LOXL2: variants seen among roughly 807,000 people sequenced by gnomAD.
LOXL2 encodes lysyl oxidase homolog 2.
Under a neutral mutation model 93.0 loss-of-function variants are expected in LOXL2, and 70 were observed. The observed-to-expected ratio is 0.75, with a 90% CI of 0.62 to 0.92. The LOEUF (loss-of-function observed/expected upper bound fraction) is 0.92, where lower values mean the gene tolerates loss of function less well. Ranked by LOEUF, LOXL2 falls within the 40% of genes least tolerant of loss-of-function variation. The pLI, the probability that LOXL2 is intolerant of heterozygous loss-of-function variation, is 0.00. For missense variants in LOXL2, 973 were observed against 1,054.9 expected (o/e 0.92, Z 1.08); for synonymous variants, 438 against 413.2 (o/e 1.06, Z -0.73).
intron 9 of LOXL2, among the ~76,000 whole-genome samples, chr8:23,316,070 C>G (rs1250303271): frequency 6.6e-6 from 1 of 152,168 alleles, no homozygotes; most frequent in East Asian, 1.9e-4. Flanking sequence ...TCCTGCTTTG[C>G]AAGGGCTAGG....
In LOXL2 at chr8:23,384,147, C is replaced by T. The variant is rs140616854; in HGVS notation, c.-83-15713G>A. Among the ~76,000 whole-genome samples the T allele has an allele frequency of 2.3e-3, 351 of 152,158 alleles. 1 individual carries two copies. Among genetic ancestry groups the T allele is most frequent in the African/African-American group, 7.9e-3 (327 of 41,496 alleles). On this transcript the variant is annotated intron_variant, in intron 1 of 13. Coordinates refer to ENST00000389131, the MANE Select transcript of LOXL2 (RefSeq NM_002318.3). ...AAATGTCGAGGTAATTTATGGGATA[C>T]GAAGATCTGGGATCAGAAAATCTCA...
rs5890105 is a variant in LOXL2 at position 23,358,845 on chromosome 8, A to ATTT, written c.531+1242_531+1244dup. On this transcript the variant is annotated intron_variant, in intron 3 of 13. Coordinates refer to ENST00000389131, the MANE Select transcript of LOXL2 (RefSeq NM_002318.3). ...TCAGTGGGGAGGCCCCAGTACCTGC[A>ATTT]TTTTTTTTTTTTTTTTCAGACAGTC... Among the ~76,000 whole-genome samples, 350 of 135,652 alleles carry ATTT rather than the reference A, an allele frequency of 2.6e-3. 3 individuals are homozygous for ATTT. The highest frequency in any genetic ancestry group is 8.4e-3 in the African/African-American group (306 of 36,258). The allele number at this position is 135,652 out of a possible 152,430, so 89.0% of individuals were successfully genotyped here.
intron 4 of LOXL2, among the ~76,000 whole-genome samples, chr8:23,340,081 G>A (rs1369373311): frequency 2.0e-5 from 3 of 152,210 alleles, no homozygotes; most frequent in Non-Finnish European, 2.9e-5. Context: ...CTCTAAGAGT[G>A]TGGACCCTAT....
intron 1 of LOXL2, among the ~76,000 whole-genome samples, chr8:23,374,341 G>C (rs1013493454): frequency 2.6e-5 from 4 of 152,156 alleles, no homozygotes; most frequent in Admixed American, 2.0e-4. Context: ...TCTTAATCCA[G>C]TCTATCTTTG....
rs541027595 is a variant in LOXL2, at chr8:23,362,925, A to G, written c.356-2660T>C. Among the ~76,000 whole-genome samples the G allele has an allele frequency of 3.7e-4, 57 of 152,342 alleles. 2 individuals are homozygous for G. The South Asian group carries it at 0.011, about 29-fold the overall frequency. On this transcript the variant is annotated intron_variant, in intron 2 of 13. Transcript: ENST00000389131. The stretch of plus-strand genomic sequence containing the variant: ...CTTTTAGGAGTCTAGAGCAGCAGAC[A>G]TAGTCAAACAAACCTGGGTTCAAGT...
At chr8:23,302,415 C>G (rs1367791712) in intron 11 of LOXL2, among the ~76,000 whole-genome samples, 2 of 152,180 alleles carry the variant, frequency 1.3e-5, no homozygotes, top group Admixed American at 6.5e-5. Flanking sequence ...TCTGATCCAC[C>G]CTGGCCTTTC....
intron 4 of LOXL2, among the ~76,000 whole-genome samples, chr8:23,335,112 A>C (rs1803769013): frequency 6.6e-6 from 1 of 152,138 alleles, no homozygotes; most frequent in Admixed American, 6.6e-5. Context: ...ATCACGCCAG[A>C]CCATAAATCT....
At position 23,321,767 on chromosome 8, in the gene LOXL2, G is replaced by C. The variant is rs1001531183; in HGVS notation, c.1302+363C>G. 2.0e-4 allele frequency: 40 copies of C among 204,702 alleles called. No homozygotes were observed. In the East Asian group the frequency reaches 2.2e-3, roughly 11 times the overall value. The allele number at this position is 204,702 out of a possible 1,614,324, so 12.7% of individuals were successfully genotyped here. A position where few individuals can be genotyped will look rare whatever the true frequency, so the allele number is the denominator to read the frequency against. ...TTTCTGAACATGAATAGAGGAAAGA[G>C]AACGCCTCCAGCCAGCAGAGCACAG... On this transcript the variant is annotated intron_variant, in intron 7 of 13. Coordinates refer to ENST00000389131, the MANE Select transcript of LOXL2 (RefSeq NM_002318.3).
At chr8:23,394,519 C>T (rs533531437) in intron 1 of LOXL2, among the ~76,000 whole-genome samples, 21 of 151,932 alleles carry the variant, frequency 1.4e-4, no homozygotes, top group East Asian at 3.9e-4. Flanking sequence ...ATACATCACT[C>T]GTCATCAAGC....
chr8:23,298,989 C>A, intron 12 of LOXL2, 42 bp from the exon 13 acceptor site: 1 of 1,181,688 alleles, frequency 8.5e-7, no homozygotes, highest in Non-Finnish European at 1.3e-6. Context: ...GTTCCCTCTG[C>A]GGCCACCTCC....
At chr8:23,341,666 A>T (rs1803884784) in intron 3 of LOXL2, 1 of 196,296 alleles carries the variant, frequency 5.1e-6, no homozygotes, top group Non-Finnish European at 1.1e-5. Context: ...CTTTCAGTAA[A>T]ACTTGAGTTT....
chr8:23,393,616 C>A (rs192913689), intron 1 of LOXL2, among the ~76,000 whole-genome samples: 13 of 152,030 alleles, frequency 8.6e-5, no homozygotes, highest in African/African-American at 2.9e-4. Flanking sequence ...ACATAGAGTA[C>A]GTCTTCATGG....
At position 23,309,999 on chromosome 8, in the gene LOXL2, C is replaced by G. The variant is rs938032557; in HGVS notation, c.1637-88G>C. 2.2e-6 allele frequency: 3 copies of G among 1,355,516 alleles called. No homozygotes were observed. In the African/African-American group the frequency reaches 4.5e-5, roughly 20 times the overall value. The allele number at this position is 1,355,516 out of a possible 1,614,324, so 84.0% of individuals were successfully genotyped here. A position where few individuals can be genotyped will look rare whatever the true frequency, so the allele number is the denominator to read the frequency against. On this transcript the variant is annotated intron_variant, in intron 9 of 13. Coordinates refer to ENST00000389131, the MANE Select transcript of LOXL2 (RefSeq NM_002318.3). ...ATTCTTGAGCTGGGACAAACCCCCTCTCCTGCCTACCGCCACCTTCTGGAA... is the reference window on the plus strand; with the variant it reads ...ATTCTTGAGCTGGGACAAACCCCCTGTCCTGCCTACCGCCACCTTCTGGAA...
intron 8 of LOXL2, among the ~76,000 whole-genome samples, chr8:23,317,963 T>G (rs534640617): frequency 3.7e-4 from 13 of 34,792 alleles, no homozygotes; most frequent in African/African-American, 6.2e-4. Context: ...GAAGTATTAG[T>G]ATCTCATCTA....
chr8:23,394,650 T>C (rs976549955), intron 1 of LOXL2, among the ~76,000 whole-genome samples: 3 of 152,122 alleles, frequency 2.0e-5, no homozygotes, highest in Non-Finnish European at 4.4e-5. Context: ...ACGTTGCTAG[T>C]GGAAATGTAA....
chr8:23,346,137 T>TTAAATAATAAAAATAAAA (rs1803972982), intron 3 of LOXL2, among the ~76,000 whole-genome samples: 1 of 75,744 alleles, frequency 1.3e-5, no homozygotes, highest in Admixed American at 1.1e-4. Flanking sequence ...TAAAATAAAA[T>TTAAATAATAAAAATAAAA]AAAATAAATA....
At chr8:23,383,851 G>A (rs984364459) in intron 1 of LOXL2, among the ~76,000 whole-genome samples, 5 of 151,582 alleles carry the variant, frequency 3.3e-5, no homozygotes, top group Admixed American at 6.6e-5. Context: ...TAGTAGAGAC[G>A]GGGTTTCACC....
At chr8:23,322,050 C>T in intron 7 of LOXL2, 80 bp downstream of exon 7, 1 of 1,498,392 alleles carries the variant, frequency 6.7e-7, no homozygotes, top group Non-Finnish European at 9.1e-7. Context: ...CTGGTCACTT[C>T]CAGGGTTCAC....
chr8:23,398,742 C>G (rs1385822928), intron 1 of LOXL2, among the ~76,000 whole-genome samples: 1 of 152,168 alleles, frequency 6.6e-6, no homozygotes, highest in Non-Finnish European at 1.5e-5. Context: ...GCACTATAGC[C>G]TTGACCTCCT....
Sources: allele counts gnomAD v4.1 joint callset (sites outside exome capture counted in the v4.1 genomes callset), GRCh38; gene constraint gnomAD v4.1.1; transcripts MANE v1.5; gene names NCBI Gene and HGNC (gene_info 2026-07-23, HGNC 2026-07-21).